Variants in EIF4A2 observed in about 807,000 individuals in gnomAD.
EIF4A2 encodes the protein eukaryotic translation initiation factor 4A2.
EIF4A2 carries 9 observed loss-of-function variants against 50.6 expected under a neutral mutation model. The ratio of observed to expected loss-of-function variants is 0.18; its 90% CI spans 0.11 to 0.31. EIF4A2 has a LOEUF of 0.31. EIF4A2 is among the 10% of genes least tolerant of loss of function. The pLI, the probability that EIF4A2 is intolerant of heterozygous loss-of-function variation, is 1.00. For synonymous variants in EIF4A2, 215 were observed against 164.4 expected (o/e 1.31, Z -2.35); for missense variants, 182 against 501.8 (o/e 0.36, Z 6.09).
chr3:186,787,366 GTTGT>G, intron 8 of EIF4A2, 102 bp downstream of exon 8: 1 of 1,611,494 alleles, frequency 6.2e-7, no homozygotes, highest in Non-Finnish European at 8.5e-7. Flanking sequence ...TTAAAATAAA[GTTGT>G]TTCTTAACTA....
In EIF4A2 at chr3:186,783,642, A is replaced by G. The variant is rs1297975379; in HGVS notation, c.29+3A>G. 4 of 1,613,990 alleles carry G rather than the reference A, an allele frequency of 2.5e-6. No homozygotes were observed. The highest frequency in any genetic ancestry group is 1.3e-5 in the African/African-American group (1 of 74,914). Reference sequence around the variant, plus strand: ...GGTGGCTCCGCGGATTATAACAGGTATGCAGTCTGTTGGCGGTCGCGGTCT... The same window carrying G: ...GGTGGCTCCGCGGATTATAACAGGTGTGCAGTCTGTTGGCGGTCGCGGTCT... On this transcript the variant is annotated splice_donor_region_variant and intron_variant, in intron 1 of 10. Coordinates refer to ENST00000323963, the MANE Select transcript of EIF4A2 (RefSeq NM_001967.4).
rs369983619 is a variant in EIF4A2, at chr3:186,787,907, A to T, written c.1079+25A>T. 3 of 1,609,656 alleles carry T rather than the reference A, an allele frequency of 1.9e-6. No homozygotes were observed. The African/African-American group carries it at 4.0e-5, about 22-fold the overall frequency. Reference sequence around the variant, plus strand: ...GGTGAGAAGCCAGCATCTTGGCTGTATTGAAAAAAATTCATACGTTTTTCT... The same window carrying T: ...GGTGAGAAGCCAGCATCTTGGCTGTTTTGAAAAAAATTCATACGTTTTTCT... On this transcript the variant is annotated intron_variant, in intron 10 of 10. Coordinates refer to ENST00000323963, the MANE Select transcript of EIF4A2 (RefSeq NM_001967.4).
At chr3:186,787,922 T>TA (rs1721840136) in intron 10 of EIF4A2, 40 bp downstream of exon 10, 9 of 1,590,220 alleles carry the variant, frequency 5.7e-6, no homozygotes, top group African/African-American at 1.3e-5. Context: ...AAAAAATTCA[T>TA]ACGTTTTTCT....
chr3:186,786,650 C>A lies in EIF4A2; in HGVS notation c.771+5C>A. On this transcript the variant is annotated splice_donor_5th_base_variant and intron_variant, in intron 7 of 10. Transcript: ENST00000323963. ...TATATTAATGTTGAGAGAGAGGTAA[C>A]TGTCTGATTGTTAGACATTATTTTA... 3.7e-6 allele frequency: 6 copies of A among 1,613,730 alleles called. No homozygotes were observed. The highest frequency in any genetic ancestry group is 4.2e-6 in the Non-Finnish European group (5 of 1,179,862).
intron 10 of EIF4A2, chr3:186,788,169 T>G (rs949685868): frequency 4.2e-5 from 32 of 754,576 alleles, no homozygotes; most frequent in Non-Finnish European, 5.9e-5. Flanking sequence ...TCTTGGTGAT[T>G]TTTTCTATAG....
intron 1 of EIF4A2, 75 bp from the exon 2 acceptor site, chr3:186,784,357 G>A: frequency 6.2e-7 from 1 of 1,609,550 alleles, no homozygotes. Context: ...GAGACGGGTT[G>A]CAAAGGGCTA....
Position 186,786,621 on chromosome 3 carries a change from G to C in EIF4A2, c.747G>C (p.Gln249His). ...AATTGACCCTTGAAGGAATCAAACA[G>C]TTTTATATTAATGTTGAGAGAGAGG... The part of the protein sequence containing the change: ...KEELTLEGIK[Q>H]FYINVEREEW... Residue 249 changes from glutamine to histidine, a missense_variant, in exon 7 of 11, where the codon CAG becomes CAC. Transcript: ENST00000323963. 6.2e-7 allele frequency: 1 copy of C among 1,613,998 alleles called. No homozygotes were observed. Among genetic ancestry groups the C allele is most frequent in the Non-Finnish European group, 8.5e-7 (1 of 1,179,928 alleles).
chr3:186,783,656 C>T lies in EIF4A2; in HGVS notation c.29+17C>T. The T allele has an allele frequency of 1.9e-6, 3 of 1,614,044 alleles. No homozygotes were observed. Among genetic ancestry groups the T allele is most frequent in the Admixed American group, 1.7e-5 (1 of 60,010 alleles). ...TTATAACAGGTATGCAGTCTGTTGG[C>T]GGTCGCGGTCTGTAGTGAAGGTCAT... is the stretch of plus-strand genomic sequence containing the variant. On this transcript the variant is annotated intron_variant, in intron 1 of 10. Coordinates refer to ENST00000323963, the MANE Select transcript of EIF4A2 (RefSeq NM_001967.4).
intron 10 of EIF4A2, chr3:186,788,600 TACA>T: frequency 2.9e-6 from 1 of 347,850 alleles, no homozygotes. Flanking sequence ...TAATTTGAGT[TACA>T]ACGTGTGAAA....
intron 10 of EIF4A2, 69 bp downstream of exon 10, chr3:186,787,951 G>GGTAA: frequency 6.7e-7 from 1 of 1,491,856 alleles, no homozygotes; most frequent in Non-Finnish European, 9.3e-7. Context: ...TTGTATGAAA[G>GGTAA]GTAACATCAA....
chr3:186,788,480 G>C, intron 10 of EIF4A2: 1 of 1,199,290 alleles, frequency 8.3e-7, no homozygotes, highest in Non-Finnish European at 1.1e-6. Flanking sequence ...CTCCAGCTAA[G>C]GCATTTTTTT....
rs900512595 is a variant in EIF4A2 at position 186,786,652 on chromosome 3, G to A, written c.771+7G>A. ...TATTAATGTTGAGAGAGAGGTAACT[G>A]TCTGATTGTTAGACATTATTTTACC... On this transcript the variant is annotated splice_region_variant and intron_variant, in intron 7 of 10. Transcript: ENST00000323963. 30 of 1,613,638 alleles carry A rather than the reference G, an allele frequency of 1.9e-5. No individual in the cohort carries two copies. Among genetic ancestry groups the A allele is most frequent in the Non-Finnish European group, 2.5e-5 (30 of 1,179,826 alleles).
intron 1 of EIF4A2, 73 bp downstream of exon 1, chr3:186,783,712 A>G: frequency 6.2e-7 from 1 of 1,611,490 alleles, no homozygotes; most frequent in Non-Finnish European, 8.5e-7. Flanking sequence ...AGTGGATGGC[A>G]CGGAGGCAAA....
chr3:186,787,761 G>A, intron 9 of EIF4A2, 42 bp from the exon 10 acceptor site: 1 of 1,613,624 alleles, frequency 6.2e-7, no homozygotes, highest in Non-Finnish European at 8.5e-7. Context: ...CAGGTGTCAA[G>A]TTTTTTTGAA....
At chr3:186,784,364 G>T in intron 1 of EIF4A2, 68 bp from the exon 2 acceptor site, 2 of 1,611,918 alleles carry the variant, frequency 1.2e-6, no homozygotes, top group South Asian at 1.1e-5. Context: ...GTTGCAAAGG[G>T]CTATGCGCTT....
chr3:186,787,101 T>A (rs774108248), intron 7 of EIF4A2, 26 bp from the exon 8 acceptor site: 2 of 1,611,708 alleles, frequency 1.2e-6, no homozygotes, highest in Non-Finnish European at 1.7e-6. Flanking sequence ...TAAATGACTG[T>A]TAACTTTAAC....
rs1222452854 is a variant in EIF4A2 at position 186,786,387 on chromosome 3, A to C, written c.627+114A>C. On this transcript the variant is annotated intron_variant, in intron 6 of 10. Transcript: ENST00000323963. ...TCGTTCCCCCTGCTTAAAGCACTTG[A>C]TGCATAACTCTGTCTACCTTCATTC... 6 of 1,527,050 alleles carry C rather than the reference A, an allele frequency of 3.9e-6. No individual in the cohort carries two copies. The East Asian group carries it at 1.4e-4, about 35-fold the overall frequency. The allele number at this position is 1,527,050 out of a possible 1,614,324, so 94.6% of individuals were successfully genotyped here. A position where few individuals can be genotyped will look rare whatever the true frequency, so the allele number is the denominator to read the frequency against.
Position 186,789,865 on chromosome 3 carries a change from TGA to T in EIF4A2, c.*597_*598del, listed in dbSNP as rs1722013216. Reference sequence around the variant, plus strand: ...ATATTGCACATGTCTTAATGAAGTTTGAATGTTAAATAAATTGTATATTCACT... The same window carrying T: ...ATATTGCACATGTCTTAATGAAGTTTATGTTAAATAAATTGTATATTCACT... On this transcript the variant is annotated 3_prime_UTR_variant, in exon 11 of 11. Coordinates refer to ENST00000323963, the MANE Select transcript of EIF4A2 (RefSeq NM_001967.4). 1.3e-6 allele frequency: 1 copy of T among 768,598 alleles called. No homozygotes were observed. The highest frequency in any genetic ancestry group is 2.1e-6 in the Non-Finnish European group (1 of 473,390). The allele number at this position is 768,598 out of a possible 1,614,324, so 47.6% of individuals were successfully genotyped here.
At chr3:186,786,327 A>G (rs761040011) in intron 6 of EIF4A2, 54 bp downstream of exon 6, 53 of 1,556,430 alleles carry the variant, frequency 3.4e-5, no homozygotes, top group Non-Finnish European at 4.6e-5. Flanking sequence ...TATTTAATGC[A>G]GGTACTGTTA....
Sources: gnomAD v4.1 joint callset for allele counts on GRCh38, gnomAD v4.1.1 for gene constraint, MANE v1.5 for transcripts, NCBI Gene and HGNC (gene_info 2026-07-23, HGNC 2026-07-21) for gene names.